GRM7: variants seen among roughly 807,000 people sequenced by gnomAD.
GRM7 encodes glutamate metabotropic receptor 7.
Under a neutral mutation model 84.5 loss-of-function variants are expected in GRM7, and 35 were observed. That is an observed-to-expected ratio of 0.41 (90% CI 0.32 to 0.55). The LOEUF (loss-of-function observed/expected upper bound fraction) is 0.55, where lower values mean the gene tolerates loss of function less well. Ranked by LOEUF, GRM7 falls within the 20% of genes least tolerant of loss-of-function variation. The pLI, the probability that GRM7 is intolerant of heterozygous loss-of-function variation, is 0.19. For missense variants in GRM7, 1,003 were observed against 1,194.6 expected, an observed-to-expected ratio of 0.84 and a Z score of 2.36; for synonymous variants, 487 against 455.1, an observed-to-expected ratio of 1.07 and a Z score of -0.89.
chr3:7,260,125 C>T (rs567524469), intron 2 of GRM7, among the ~76,000 whole-genome samples: 9 of 151,746 alleles, frequency 5.9e-5, no homozygotes, highest in African/African-American at 2.2e-4. Flanking sequence ...GCCCTCTGCC[C>T]ACTTTTCAAT....
intron 7 of GRM7, among the ~76,000 whole-genome samples, chr3:7,565,112 T>C (rs574772708): frequency 6.6e-6 from 1 of 152,214 alleles, no homozygotes; most frequent in Non-Finnish European, 1.5e-5. Context: ...TAGATATGCA[T>C]TAAATGACCA....
At chr3:7,094,215 A>G (rs1182773844) in intron 1 of GRM7, among the ~76,000 whole-genome samples, 1 of 152,194 alleles carries the variant, frequency 6.6e-6, no homozygotes. Flanking sequence ...AGCTAAGCGA[A>G]GCAAGCTGGA....
At chr3:7,540,295 A>G (rs1218264657) in intron 7 of GRM7, among the ~76,000 whole-genome samples, 2 of 152,198 alleles carry the variant, frequency 1.3e-5, no homozygotes, top group Non-Finnish European at 2.9e-5. Context: ...TCACAGCACC[A>G]TTATTTATAA....
chr3:7,417,324 C>T (rs1378829308), intron 5 of GRM7, among the ~76,000 whole-genome samples: 1 of 152,052 alleles, frequency 6.6e-6, no homozygotes, highest in Non-Finnish European at 1.5e-5. Flanking sequence ...GTTACCATTA[C>T]CGTATCTCTT....
In GRM7 at chr3:7,564,676, T is replaced by C. The variant is rs563041489; in HGVS notation, c.1516-13746T>C. ...ATATATATTTTTAAATTAATCGTTATTTAGGTAACTGCCATGTCTCAGGCA... is the reference window on the plus strand; with the variant it reads ...ATATATATTTTTAAATTAATCGTTACTTAGGTAACTGCCATGTCTCAGGCA... On this transcript the variant is annotated intron_variant, in intron 7 of 9. Coordinates refer to ENST00000357716, the MANE Select transcript of GRM7 (RefSeq NM_000844.4). Among the ~76,000 whole-genome samples the C allele has an allele frequency of 5.3e-5, 8 of 152,300 alleles. No homozygotes were observed. In the South Asian group the frequency reaches 1.4e-3, roughly 28 times the overall value.
At chr3:7,472,233 A>G (rs565747878) in intron 7 of GRM7, among the ~76,000 whole-genome samples, 1 of 152,334 alleles carries the variant, frequency 6.6e-6, no homozygotes, top group South Asian at 2.1e-4. Flanking sequence ...ATATATCACA[A>G]TCATGAGCCA....
rs573834221 is a variant in GRM7, at chr3:6,887,582, A to G, written c.519+25675A>G. Among the ~76,000 whole-genome samples the G allele has an allele frequency of 9.1e-4, 138 of 152,296 alleles. 1 individual carries two copies. The South Asian group carries it at 0.025, about 28-fold the overall frequency. On this transcript the variant is annotated intron_variant, in intron 1 of 9. Transcript: ENST00000357716. ...AACTCATCATTTTTTATGGCTGCAT[A>G]GTATTCCATGGTGTATATATGCCAC... is the stretch of plus-strand genomic sequence containing the variant.
intron 9 of GRM7, chr3:7,691,281 G>C (rs1700791366): frequency 7.8e-7 from 1 of 1,281,866 alleles, no homozygotes. Flanking sequence ...TTCTTGAGCT[G>C]ACCCAACACT....
At chr3:7,661,084 T>G (rs1327369363) in intron 8 of GRM7, among the ~76,000 whole-genome samples, 8 of 152,172 alleles carry the variant, frequency 5.3e-5, no homozygotes, top group Admixed American at 5.2e-4. Context: ...AACACACAAT[T>G]TATACGTGAA....
chr3:7,242,824 T>G, intron 2 of GRM7, among the ~76,000 whole-genome samples: 1 of 152,186 alleles, frequency 6.6e-6, no homozygotes, highest in East Asian at 1.9e-4. Context: ...CCTTTCCATT[T>G]GTTTCTTTCA....
chr3:7,218,000 G>A (rs1047654247), intron 2 of GRM7, among the ~76,000 whole-genome samples: 1 of 151,762 alleles, frequency 6.6e-6, no homozygotes, highest in Non-Finnish European at 1.5e-5. Context: ...TACATATGTT[G>A]TATGGCTCTA....
intron 7 of GRM7, among the ~76,000 whole-genome samples, chr3:7,565,226 G>A (rs1244320309): frequency 6.6e-6 from 1 of 152,144 alleles, no homozygotes; most frequent in Non-Finnish European, 1.5e-5. Context: ...TAAAGGAGAG[G>A]TCAGTCTGTT....
At chr3:7,199,782 A>C (rs1386145356) in intron 2 of GRM7, among the ~76,000 whole-genome samples, 4 of 152,284 alleles carry the variant, frequency 2.6e-5, no homozygotes. Context: ...GTGGTACCCA[A>C]TAATTTTTCT....
chr3:7,282,311 G>T (rs1462506595), intron 2 of GRM7, among the ~76,000 whole-genome samples: 1 of 152,094 alleles, frequency 6.6e-6, no homozygotes, highest in Non-Finnish European at 1.5e-5. Context: ...CAACATGTCG[G>T]TGGGGTTACA....
intron 9 of GRM7, chr3:7,691,237 A>G (rs1559490135): frequency 1.6e-6 from 2 of 1,284,654 alleles, no homozygotes; most frequent in Non-Finnish European, 2.0e-6. Context: ...AGCTTGCACA[A>G]AGAGGATTGA....
rs938436448 is a variant in GRM7 at position 7,152,892 on chromosome 3, C to T, written c.736+6224C>T. Among the ~76,000 whole-genome samples the T allele has an allele frequency of 2.6e-5, 4 of 152,242 alleles. No individual in the cohort carries two copies. In the East Asian group the frequency reaches 5.8e-4, roughly 22 times the overall value. On this transcript the variant is annotated intron_variant, in intron 2 of 9. Coordinates refer to ENST00000357716, the MANE Select transcript of GRM7 (RefSeq NM_000844.4). ...CCTAGCCTGCCTTGAAGCTAGGGTA[C>T]AGTCATTAATTCAGTCTTGGCTAAT...
At chr3:7,532,402 T>A (rs911290778) in intron 7 of GRM7, among the ~76,000 whole-genome samples, 2 of 152,180 alleles carry the variant, frequency 1.3e-5, no homozygotes, top group Admixed American at 6.5e-5. Flanking sequence ...CCTAGTTTAT[T>A]TGCGTAGAGA....
intron 9 of GRM7, among the ~76,000 whole-genome samples, chr3:7,714,092 T>C (rs1701691387): frequency 6.6e-6 from 1 of 152,204 alleles, no homozygotes; most frequent in South Asian, 2.1e-4. Flanking sequence ...AATGAATATG[T>C]ATTGCCAAGG....
intron 2 of GRM7, among the ~76,000 whole-genome samples, chr3:7,290,875 G>T: frequency 6.6e-6 from 1 of 152,092 alleles, no homozygotes; most frequent in South Asian, 2.1e-4. Flanking sequence ...CAAAGATCAC[G>T]CAGAGAGCTA....
Sources: gnomAD v4.1 joint callset for allele counts (sites outside exome capture counted in the v4.1 genomes callset) on GRCh38, gnomAD v4.1.1 for gene constraint, MANE v1.5 for transcripts, NCBI Gene and HGNC (gene_info 2026-07-23, HGNC 2026-07-21) for gene names.